PACSIN2: variants seen among roughly 807,000 people sequenced by gnomAD.
PACSIN2 encodes protein kinase C and casein kinase substrate in neurons 2.
A neutral mutation model predicts 63.8 loss-of-function variants in PACSIN2; 25 were observed. The observed-to-expected ratio is 0.39, with a 90% CI of 0.29 to 0.55. The LOEUF (loss-of-function observed/expected upper bound fraction) is 0.55. PACSIN2 is among the 20% of genes least tolerant of loss of function. PACSIN2 has a pLI of 0.62. For synonymous variants in PACSIN2, 255 were observed against 256.2 expected, an observed-to-expected ratio of 1.00 and a Z score of 0.05; for missense variants, 518 against 646.9, an observed-to-expected ratio of 0.80 and a Z score of 2.16.
chr22:42,980,018 CATT>C lies in PACSIN2; in HGVS notation c.-78+35000_-78+35002del, dbSNP rs148836957. Among the ~76,000 whole-genome samples, 1,048 of 151,980 alleles carry C rather than the reference CATT, an allele frequency of 6.9e-3. 10 individuals carry two copies. The highest frequency in any genetic ancestry group is 0.022 in the African/African-American group (922 of 41,412). On this transcript the variant is annotated intron_variant, in intron 1 of 10. Coordinates refer to ENST00000263246, the MANE Select transcript of PACSIN2 (RefSeq NM_001184970.3). ...ATATAAACCTATGAAATAAGCGCAT[CATT>C]GTTTCCATTAAAACTATTAAAACAA...
At chr22:42,920,487 C>T (rs927872397) in intron 1 of PACSIN2, among the ~76,000 whole-genome samples, 2 of 152,182 alleles carry the variant, frequency 1.3e-5, no homozygotes, top group Non-Finnish European at 2.9e-5. Flanking sequence ...TACAGCATGG[C>T]TATTTTAGTG....
In PACSIN2 at chr22:42,967,126, GA is replaced by G. The variant is rs373653270; in HGVS notation, c.-78+47894del. 4.5e-3 allele frequency among the ~76,000 whole-genome samples: 688 copies of G among 152,146 alleles called. 1 individual carries two copies. Among genetic ancestry groups the G allele is most frequent in the African/African-American group, 0.014 (582 of 41,500 alleles). On this transcript the variant is annotated intron_variant, in intron 1 of 10. Transcript: ENST00000263246. ...TGCTCCGTAACAGAAACTAGGCAGG[GA>G]ATGTGGAAGGTGGGGCTGGGACAGG...
chr22:42,938,413 G>C (rs1933001796), intron 1 of PACSIN2, among the ~76,000 whole-genome samples: 1 of 152,206 alleles, frequency 6.6e-6, no homozygotes, highest in Non-Finnish European at 1.5e-5. Flanking sequence ...GGAACACACA[G>C]GAGGCGTCAG....
chr22:43,012,268 G>A (rs1337792056), intron 1 of PACSIN2, among the ~76,000 whole-genome samples: 2 of 149,900 alleles, frequency 1.3e-5, no homozygotes, highest in Non-Finnish European at 3.0e-5. Context: ...AGGAGGCTGA[G>A]GCAGAGGAAT....
intron 1 of PACSIN2, among the ~76,000 whole-genome samples, chr22:42,970,450 T>C (rs993213949): frequency 1.3e-5 from 2 of 152,226 alleles, no homozygotes; most frequent in Admixed American, 6.5e-5. Flanking sequence ...TAATACTGCA[T>C]CAATGTTAAT....
intron 1 of PACSIN2, among the ~76,000 whole-genome samples, chr22:42,960,717 C>T (rs1434567696): frequency 6.6e-6 from 1 of 152,188 alleles, no homozygotes; most frequent in Non-Finnish European, 1.5e-5. Context: ...AAAGAGGAGG[C>T]AGGCAGGAAG....
chr22:42,886,542 A>G (rs373970839), intron 5 of PACSIN2, among the ~76,000 whole-genome samples: 6 of 152,214 alleles, frequency 3.9e-5, no homozygotes, highest in African/African-American at 1.4e-4. Flanking sequence ...CACAGCTTGC[A>G]GCAGCCTTGA....
In PACSIN2 at chr22:42,871,336, C is replaced by T. The variant is rs769488198; in HGVS notation, c.*21G>A. ...CCTGGGCCCGCCGCCTCCGTCCCCC[C>T]GCTGGCCTGTCCCCGACTCATCACT... On this transcript the variant is annotated 3_prime_UTR_variant, in exon 11 of 11. Transcript: ENST00000263246. This position sits in a 1 kb window ranked among gnomAD's most constrained non-coding sequence, Gnocchi z 5.4. 2.2e-5 allele frequency: 34 copies of T among 1,548,414 alleles called. 1 individual carries two copies. In the African/African-American group the frequency reaches 3.1e-4, roughly 14 times the overall value.
At chr22:43,006,944 G>C (rs992304698) in intron 1 of PACSIN2, among the ~76,000 whole-genome samples, 15 of 152,182 alleles carry the variant, frequency 9.9e-5, no homozygotes, top group Admixed American at 8.5e-4. Context: ...TCTCATTAGA[G>C]TGGAGCCACT....
chr22:42,995,098 C>T (rs953436248), intron 1 of PACSIN2, among the ~76,000 whole-genome samples: 4 of 152,254 alleles, frequency 2.6e-5, no homozygotes, highest in East Asian at 3.8e-4. Context: ...GGGGCTGCTC[C>T]GGGCCCCAAC....
chr22:42,964,015 G>A (rs539190097), intron 1 of PACSIN2, among the ~76,000 whole-genome samples: 37 of 152,218 alleles, frequency 2.4e-4, no homozygotes, highest in Non-Finnish European at 3.7e-4. Context: ...CATCACCACC[G>A]TCAAGGGTAG....
At chr22:42,932,621 G>A (rs997481807) in intron 1 of PACSIN2, among the ~76,000 whole-genome samples, 5 of 151,978 alleles carry the variant, frequency 3.3e-5, no homozygotes, top group Non-Finnish European at 7.4e-5. Context: ...TTTTACTCAC[G>A]AAGACCATAT....
intron 1 of PACSIN2, among the ~76,000 whole-genome samples, chr22:42,987,979 A>G (rs1171248847): frequency 1.3e-5 from 2 of 152,064 alleles, no homozygotes; most frequent in East Asian, 3.9e-4. Flanking sequence ...CGTCTCTACT[A>G]AAGATACAAA....
chr22:42,894,113 A>C (rs1930115406), intron 2 of PACSIN2, among the ~76,000 whole-genome samples: 1 of 152,066 alleles, frequency 6.6e-6, no homozygotes, highest in Non-Finnish European at 1.5e-5. Context: ...GGTGTTTTAC[A>C]CCTCCAAATA....
At position 42,871,330 on chromosome 22, in the gene PACSIN2, TCCC is replaced by T. The variant is rs3842298; in HGVS notation, c.*24_*26del. Reference sequence around the variant, plus strand: ...GAGGCTCCTGGGCCCGCCGCCTCCGTCCCCCCGCTGGCCTGTCCCCGACTCATC... The same window carrying T: ...GAGGCTCCTGGGCCCGCCGCCTCCGTCCCGCTGGCCTGTCCCCGACTCATC... On this transcript the variant is annotated 3_prime_UTR_variant, in exon 11 of 11. Coordinates refer to ENST00000263246, the MANE Select transcript of PACSIN2 (RefSeq NM_001184970.3). The surrounding 1 kb of genome is among the most constrained non-coding windows in gnomAD (Gnocchi z 5.4). The T allele has an allele frequency of 6.8e-7, 1 of 1,466,036 alleles. No homozygotes were observed. Among genetic ancestry groups the T allele is most frequent in the East Asian group, 2.3e-5 (1 of 44,202 alleles). The allele number at this position is 1,466,036 out of a possible 1,614,324, so 90.8% of individuals were successfully genotyped here. A position where few individuals can be genotyped will look rare whatever the true frequency, so the allele number is the denominator to read the frequency against.
intron 1 of PACSIN2, among the ~76,000 whole-genome samples, chr22:42,932,670 T>TA (rs1308244320): frequency 6.6e-6 from 1 of 152,078 alleles, no homozygotes; most frequent in Non-Finnish European, 1.5e-5. Context: ...GAAAAAAGAT[T>TA]AGTTACTCGG....
At chr22:42,917,664 T>C (rs973136629) in intron 1 of PACSIN2, among the ~76,000 whole-genome samples, 2 of 152,160 alleles carry the variant, frequency 1.3e-5, no homozygotes, top group African/African-American at 2.4e-5. Context: ...TGCTCTGCGG[T>C]GTGCCGTGAT....
chr22:42,928,758 A>G (rs1203549019), intron 1 of PACSIN2, among the ~76,000 whole-genome samples: 2 of 152,208 alleles, frequency 1.3e-5, no homozygotes, highest in African/African-American at 4.8e-5. Flanking sequence ...CCTCTAAACA[A>G]ACAAAATCAA....
chr22:42,979,918 A>G (rs1268148102), intron 1 of PACSIN2, among the ~76,000 whole-genome samples: 1 of 152,356 alleles, frequency 6.6e-6, no homozygotes, highest in Non-Finnish European at 1.5e-5. Context: ...TTGTAAATTT[A>G]CATACACACA....
Sources: gnomAD v4.1 joint callset for allele counts (sites outside exome capture counted in the v4.1 genomes callset) on GRCh38, gnomAD v4.1.1 for gene constraint, Gnocchi (gnomAD v3.1) non-coding constraint, MANE v1.5 for transcripts, NCBI Gene and HGNC (gene_info 2026-07-23, HGNC 2026-07-21) for gene names.